WWOX: variants seen among roughly 807,000 people sequenced by gnomAD.
WWOX encodes WW domain containing oxidoreductase.
In WWOX, 69 loss-of-function variants were observed where a neutral mutation model predicts 46.2. The observed-to-expected ratio is 1.49, with a 90% CI of 1.23 to 1.82. The LOEUF (loss-of-function observed/expected upper bound fraction) is 1.82. WWOX is among the 40% of genes most tolerant of loss of function. The pLI is 0.00. For synonymous variants in WWOX, 359 were observed against 202.6 expected (o/e 1.77, Z -6.56); for missense variants, 919 against 542.6 (o/e 1.69, Z -6.89).
At chr16:78,615,356 G>C (rs952832082) in intron 8 of WWOX, among the ~76,000 whole-genome samples, 17 of 152,260 alleles carry the variant, frequency 1.1e-4, no homozygotes, top group African/African-American at 1.4e-4. Flanking sequence ...TGGCTAAAAA[G>C]AAGTTGTTGG....
At chr16:78,421,320 T>G (rs924678196) in intron 6 of WWOX, among the ~76,000 whole-genome samples, 3 of 152,122 alleles carry the variant, frequency 2.0e-5, no homozygotes, top group Non-Finnish European at 2.9e-5. Flanking sequence ...TTCCCATGAC[T>G]GCCAGCCACC....
At chr16:78,777,396 T>A (rs1416226175) in intron 8 of WWOX, among the ~76,000 whole-genome samples, 2 of 152,164 alleles carry the variant, frequency 1.3e-5, no homozygotes, top group East Asian at 3.9e-4. Context: ...GGCTGGACTT[T>A]TAGTTTAATT....
chr16:79,019,975 C>G (rs1051441288), intron 8 of WWOX, among the ~76,000 whole-genome samples: 1 of 152,206 alleles, frequency 6.6e-6, no homozygotes, highest in Non-Finnish European at 1.5e-5. Flanking sequence ...GTTAGCCTCT[C>G]ACTTCTCTAC....
chr16:78,527,151 G>A (rs72803904), intron 8 of WWOX, among the ~76,000 whole-genome samples: 13,882 of 152,014 alleles, frequency 0.091, 734 homozygotes, highest in South Asian at 0.19. Flanking sequence ...CAAAAAGAGC[G>A]GGGTAAAAAA....
chr16:78,619,834 A>G (rs772334211), intron 8 of WWOX, among the ~76,000 whole-genome samples: 3 of 152,056 alleles, frequency 2.0e-5, no homozygotes, highest in African/African-American at 4.8e-5. Flanking sequence ...ACTTGAGCAA[A>G]GGAGGTTGAA....
intron 8 of WWOX, chr16:78,496,203 C>G (rs1198198058): frequency 6.6e-6 from 1 of 152,180 alleles, no homozygotes; most frequent in Non-Finnish European, 1.5e-5. Flanking sequence ...CTCCTGACTA[C>G]TTGAAACACG....
chr16:78,619,142 AATATATATATATATATATAT>A (rs71140816), intron 8 of WWOX, among the ~76,000 whole-genome samples: 1 of 9,078 alleles, frequency 1.1e-4, no homozygotes, highest in Non-Finnish European at 2.1e-4. Flanking sequence ...CTAAAAAAAA[AATATATATATATATATATAT>A]ATATATATAT....
intron 8 of WWOX, chr16:79,110,841 A>C (rs1020943371): frequency 6.6e-6 from 1 of 152,124 alleles, no homozygotes; most frequent in Non-Finnish European, 1.5e-5. Context: ...AAGTTAGCTG[A>C]CTTTTGTGAG....
At chr16:78,442,803 A>T (rs1194169091) in intron 8 of WWOX, among the ~76,000 whole-genome samples, 1 of 151,880 alleles carries the variant, frequency 6.6e-6, no homozygotes, top group Non-Finnish European at 1.5e-5. Context: ...AACATTGCGA[A>T]ATTCTGTCTC....
intron 8 of WWOX, among the ~76,000 whole-genome samples, chr16:78,575,944 T>C (rs755573165): frequency 1.3e-5 from 2 of 151,230 alleles, no homozygotes; most frequent in African/African-American, 4.9e-5. Context: ...AGATTAAATT[T>C]TACCCTGTGG....
At chr16:78,508,955 C>G (rs2085287571) in intron 8 of WWOX, among the ~76,000 whole-genome samples, 1 of 152,252 alleles carries the variant, frequency 6.6e-6, no homozygotes, top group African/African-American at 2.4e-5. Context: ...AAAGTATCCT[C>G]TCTAGGCAAA....
chr16:78,306,580 C>T (rs563292926), intron 5 of WWOX, among the ~76,000 whole-genome samples: 15 of 152,244 alleles, frequency 9.9e-5, no homozygotes, highest in African/African-American at 3.6e-4. Flanking sequence ...GAGGATATTT[C>T]TTACTCCAGA....
At chr16:78,812,347 C>A (rs1306895124) in intron 8 of WWOX, among the ~76,000 whole-genome samples, 1 of 152,008 alleles carries the variant, frequency 6.6e-6, no homozygotes, top group Non-Finnish European at 1.5e-5. Flanking sequence ...AGGGTGACAC[C>A]GATTTAACAT....
intron 8 of WWOX, among the ~76,000 whole-genome samples, chr16:78,653,714 T>G (rs1384003855): frequency 1.3e-5 from 2 of 152,206 alleles, no homozygotes; most frequent in African/African-American, 2.4e-5. Flanking sequence ...AGCCACTGAT[T>G]CAGCTGTCCT....
chr16:78,331,575 C>T (rs753648614), intron 5 of WWOX, among the ~76,000 whole-genome samples: 2 of 152,218 alleles, frequency 1.3e-5, no homozygotes, highest in Non-Finnish European at 2.9e-5. Context: ...CCAGGCAGCA[C>T]ACAGACGTGG....
chr16:78,701,928 T>C (rs544015651), intron 8 of WWOX, among the ~76,000 whole-genome samples: 2 of 148,474 alleles, frequency 1.3e-5, no homozygotes, highest in South Asian at 4.3e-4. Context: ...CTCATACCTG[T>C]AATCCCAGAA....
chr16:78,695,910 G>T (rs2048088609), intron 8 of WWOX, among the ~76,000 whole-genome samples: 1 of 152,168 alleles, frequency 6.6e-6, no homozygotes, highest in Non-Finnish European at 1.5e-5. Context: ...CTCAAAGTGG[G>T]GTCCCTGGAC....
chr16:79,137,233 T>G (rs997175894), intron 8 of WWOX, among the ~76,000 whole-genome samples: 2 of 152,198 alleles, frequency 1.3e-5, no homozygotes, highest in Admixed American at 6.5e-5. Flanking sequence ...CTCTATTTCC[T>G]CGATAGACCT....
chr16:78,562,609 A>T (rs1311515236), intron 8 of WWOX, among the ~76,000 whole-genome samples: 3 of 152,124 alleles, frequency 2.0e-5, no homozygotes, highest in Non-Finnish European at 4.4e-5. Flanking sequence ...ACTTACTCCC[A>T]TTGGAGAGGC....
Sources: allele counts gnomAD v4.1 joint callset (sites outside exome capture counted in the v4.1 genomes callset), GRCh38; gene constraint gnomAD v4.1.1; transcripts MANE v1.5; gene names NCBI Gene and HGNC (gene_info 2026-07-23, HGNC 2026-07-21).